Variants in CENPH observed in about 807,000 individuals in gnomAD.
The protein encoded by CENPH is CENP-H.
CENPH carries 40 observed loss-of-function variants against 42.9 expected under a neutral mutation model. The observed-to-expected ratio is 0.93, with a 90% CI of 0.72 to 1.21. The LOEUF is 1.21. Among genes scored for constraint, CENPH ranks in the 50% most tolerant of loss-of-function variants. The pLI is 0.00. For synonymous variants in CENPH, 88 were observed against 96.5 expected, an observed-to-expected ratio of 0.91 and a Z score of 0.52; for missense variants, 302 against 292.9, an observed-to-expected ratio of 1.03 and a Z score of -0.23.
chr5:69,191,870 A>G lies in CENPH; in HGVS notation c.190+20A>G. 3 of 1,392,336 alleles carry G rather than the reference A, an allele frequency of 2.2e-6. No homozygotes were observed. Among genetic ancestry groups the G allele is most frequent in the Non-Finnish European group, 3.1e-6 (3 of 981,606 alleles). 86.2% of individuals were successfully genotyped at this position (1,392,336 alleles called of 1,614,324 possible). A position where few individuals can be genotyped will look rare whatever the true frequency, so the allele number is the denominator to read the frequency against. ...ATGCAAGTAAGTATTTTCATTTTCA[A>G]ATTAGGGTTTTGTTGTTTGTTTGTT... On this transcript the variant is annotated intron_variant, in intron 2 of 8. Coordinates refer to ENST00000283006, the MANE Select transcript of CENPH (RefSeq NM_022909.4).
intron 2 of CENPH, among the ~76,000 whole-genome samples, chr5:69,192,607 C>T (rs1046352381): frequency 1.3e-5 from 2 of 152,032 alleles, no homozygotes; most frequent in Non-Finnish European, 2.9e-5. Flanking sequence ...AGTGAGACCT[C>T]GTCCCTACAA....
rs756962030 is a variant in CENPH, at chr5:69,189,710, C to T, written c.76C>T (p.Pro26Ser). The part of the protein sequence containing the change: ...SGGEGRAGGP[P>S]QVAGAQAACS... The stretch of plus-strand genomic sequence containing the variant: ...AGGGGAAGGCCGGGCAGGCGGGCCA[C>T]CGCAGGTCGCCGGCGCCCAGGCGGC... The change falls in exon 1 of 9, where the codon CCG (proline) becomes TCG (serine). Residue 26 changes from proline (P) to serine (S), a missense_variant. Coordinates refer to ENST00000283006, the MANE Select transcript of CENPH (RefSeq NM_022909.4). 6.4e-7 allele frequency: 1 copy of T among 1,565,654 alleles called. No individual in the cohort carries two copies. The highest frequency in any genetic ancestry group is 1.4e-5 in the African/African-American group (1 of 73,966).
At chr5:69,202,097 TCAAAA>T in intron 5 of CENPH, among the ~76,000 whole-genome samples, 1 of 152,094 alleles carries the variant, frequency 6.6e-6, no homozygotes, top group Admixed American at 6.5e-5. Flanking sequence ...AAAAATACAT[TCAAAA>T]CAAAAGCAGC....
intron 7 of CENPH, among the ~76,000 whole-genome samples, chr5:69,206,406 C>G (rs766762639): frequency 2.6e-5 from 4 of 151,818 alleles, no homozygotes; most frequent in Non-Finnish European, 5.9e-5. Context: ...GTCTCGAACT[C>G]CCTACCTCAG....
At chr5:69,202,591 A>T (rs113419952) in intron 6 of CENPH, 22 bp downstream of exon 6, 4 of 1,330,192 alleles carry the variant, frequency 3.0e-6, no homozygotes, top group Non-Finnish European at 4.3e-6. Context: ...CATTAGGCTG[A>T]TTATGCATTC....
At chr5:69,202,878 C>A (rs778862458) in intron 6 of CENPH, 41 bp from the exon 7 acceptor site, 2 of 1,231,904 alleles carry the variant, frequency 1.6e-6, no homozygotes, top group Non-Finnish European at 2.4e-6. Flanking sequence ...TTTGTCCTTA[C>A]ATACAGTAAT....
chr5:69,204,729 C>T (rs755449227), intron 7 of CENPH, among the ~76,000 whole-genome samples: 16 of 148,860 alleles, frequency 1.1e-4, no homozygotes, highest in Middle Eastern at 3.2e-3. Flanking sequence ...CTCAGCTTCC[C>T]GGGTAGCTGG....
chr5:69,198,041 C>T (rs1580225989), intron 5 of CENPH, among the ~76,000 whole-genome samples: 2 of 151,436 alleles, frequency 1.3e-5, no homozygotes, highest in East Asian at 3.9e-4. Flanking sequence ...CTGCCTCAGC[C>T]TCCCGAGCAG....
At chr5:69,192,828 A>G (rs1271106551) in intron 2 of CENPH, among the ~76,000 whole-genome samples, 1 of 152,026 alleles carries the variant, frequency 6.6e-6, no homozygotes, top group Non-Finnish European at 1.5e-5. Context: ...TGGGCTTGGT[A>G]GCTCACACCT....
At chr5:69,192,926 G>A (rs572616405) in intron 2 of CENPH, among the ~76,000 whole-genome samples, 18 of 152,032 alleles carry the variant, frequency 1.2e-4, no homozygotes, top group Admixed American at 3.3e-4. Flanking sequence ...GAGAAACCCC[G>A]TCTCTACTAA....
At chr5:69,198,013 C>T (rs543416613) in intron 5 of CENPH, among the ~76,000 whole-genome samples, 4 of 147,088 alleles carry the variant, frequency 2.7e-5, no homozygotes, top group African/African-American at 5.0e-5. Flanking sequence ...CTCTGCCTCC[C>T]GGGTTCACGC....
chr5:69,194,784 T>C, intron 3 of CENPH, 89 bp downstream of exon 3: 1 of 814,670 alleles, frequency 1.2e-6, no homozygotes, highest in Non-Finnish European at 2.0e-6. Context: ...AGTCTCACTA[T>C]CATGCAGGCT....
chr5:69,190,697 A>G (rs571646895), intron 1 of CENPH, among the ~76,000 whole-genome samples: 7 of 152,182 alleles, frequency 4.6e-5, no homozygotes, highest in Middle Eastern at 3.4e-3. Context: ...CTGGCCAACC[A>G]TGGCCAACAT....
intron 5 of CENPH, among the ~76,000 whole-genome samples, chr5:69,200,719 C>CTATT (rs1748043769): frequency 2.1e-5 from 1 of 46,900 alleles, no homozygotes; most frequent in Non-Finnish European, 4.2e-5. Context: ...ATCAGCGTAT[C>CTATT]TTTTTTTTTT....
Position 69,189,842 on chromosome 5 carries a change from G to C in CENPH, c.134+74G>C, listed in dbSNP as rs1405000735. ...CGGAACTCCGCCCTTGCTCAGAAGG[G>C]CTAGGGTTCGAATTCACGCTCGGTC... is the stretch of plus-strand genomic sequence containing the variant. On this transcript the variant is annotated intron_variant, in intron 1 of 8. Coordinates refer to ENST00000283006, the MANE Select transcript of CENPH (RefSeq NM_022909.4). 5 of 1,401,280 alleles carry C rather than the reference G, an allele frequency of 3.6e-6. No homozygotes were observed. The African/African-American group carries it at 4.5e-5, about 12-fold the overall frequency. 86.8% of individuals were successfully genotyped at this position (1,401,280 alleles called of 1,614,324 possible). A position where few individuals can be genotyped will look rare whatever the true frequency, so the allele number is the denominator to read the frequency against.
rs1748218912 is a variant in CENPH, at chr5:69,209,873, T to G, written c.*74T>G. The G allele has an allele frequency of 4.8e-6, 4 of 834,134 alleles. No homozygotes were observed. Among genetic ancestry groups the G allele is most frequent in the Non-Finnish European group, 8.0e-6 (4 of 499,506 alleles). The allele number at this position is 834,134 out of a possible 1,614,324, so 51.7% of individuals were successfully genotyped here. ...TATTTGGAATACTTCTGTGCATTTG[T>G]CTGTCCACCGTAATTTTAGAAAAGC... On this transcript the variant is annotated 3_prime_UTR_variant, in exon 9 of 9. Transcript: ENST00000283006.
Position 69,189,623 on chromosome 5 carries a change from C to T in CENPH, c.-12C>T, listed in dbSNP as rs754048718. The T allele has an allele frequency of 3.1e-6, 5 of 1,594,126 alleles. No individual in the cohort carries two copies. The highest frequency in any genetic ancestry group is 1.1e-5 in the South Asian group (1 of 88,708). ...TTGCCTGTTGAGTGGTAGCCTTTCC[C>T]CTCAACCAGCAATGGAGGAGCAGCC... On this transcript the variant is annotated 5_prime_UTR_variant, in exon 1 of 9. Transcript: ENST00000283006.
Position 69,209,831 on chromosome 5 carries a change from C to T in CENPH, c.*32C>T. The T allele has an allele frequency of 8.0e-7, 1 of 1,242,392 alleles. No individual in the cohort carries two copies. 77.0% of individuals were successfully genotyped at this position (1,242,392 alleles called of 1,614,324 possible). A position where few individuals can be genotyped will look rare whatever the true frequency, so the allele number is the denominator to read the frequency against. ...TTCATTTCTGACATATTTTACATTT[C>T]TGGCAATCTCAACTCTTATTTGGAA... On this transcript the variant is annotated 3_prime_UTR_variant, in exon 9 of 9. Transcript: ENST00000283006.
intron 5 of CENPH, 26 bp downstream of exon 5, chr5:69,197,135 C>CTCT: frequency 6.8e-7 from 1 of 1,463,702 alleles, no homozygotes; most frequent in Non-Finnish European, 9.2e-7. Flanking sequence ...TCTCTGGATT[C>CTCT]GGTAAGGATG....
Sources: gnomAD v4.1 joint callset for allele counts (sites outside exome capture counted in the v4.1 genomes callset) on GRCh38, gnomAD v4.1.1 for gene constraint, MANE v1.5 for transcripts, NCBI Gene and HGNC (gene_info 2026-07-23, HGNC 2026-07-21) for gene names.